Variants in CUX1 observed in about 807,000 individuals in gnomAD.
The protein encoded by CUX1 is cut like homeobox 1, also known as protein CASP.
In CUX1, 31 loss-of-function variants were observed where a neutral mutation model predicts 158.8. The ratio of observed to expected loss-of-function variants is 0.20; its 90% CI spans 0.15 to 0.26. The LOEUF (loss-of-function observed/expected upper bound fraction) is 0.26. CUX1 is among the 10% of genes least tolerant of loss of function. The pLI is 1.00. For synonymous variants in CUX1, 879 were observed against 862.1 expected, an observed-to-expected ratio of 1.02 and a Z score of -0.34; for missense variants, 1,589 against 2,014.6, an observed-to-expected ratio of 0.79 and a Z score of 4.04.
At chr7:101,897,963 C>A (rs538381857) in intron 1 of CUX1, among the ~76,000 whole-genome samples, 9 of 152,238 alleles carry the variant, frequency 5.9e-5, no homozygotes, top group Non-Finnish European at 1.0e-4. Flanking sequence ...AAACCACCCT[C>A]CTACCCCCAC....
In CUX1 at chr7:102,170,569, G is replaced by A. The variant is rs782346838; in HGVS notation, c.828+19G>A. On this transcript the variant is annotated intron_variant, in intron 10 of 23. Coordinates refer to ENST00000292535, the MANE Select transcript of CUX1 (RefSeq NM_181552.4). ...AGACGTGGTGGGTAGCCCCGGCCCCGTGGGGGACTGTCCCCGCCTGGCCTC... is the reference window on the plus strand; with the variant it reads ...AGACGTGGTGGGTAGCCCCGGCCCCATGGGGGACTGTCCCCGCCTGGCCTC... 3.2e-5 allele frequency: 49 copies of A among 1,537,814 alleles called. No homozygotes were observed. The highest frequency in any genetic ancestry group is 1.7e-4 in the Middle Eastern group (1 of 5,924).
At chr7:102,043,683 G>A (rs1027061170) in intron 3 of CUX1, among the ~76,000 whole-genome samples, 4 of 152,092 alleles carry the variant, frequency 2.6e-5, no homozygotes, top group African/African-American at 4.8e-5. Context: ...TAGTGCCGCA[G>A]TATACATGAG....
At chr7:102,055,746 C>T (rs1367677780) in intron 3 of CUX1, among the ~76,000 whole-genome samples, 2 of 152,100 alleles carry the variant, frequency 1.3e-5, no homozygotes, top group Non-Finnish European at 2.9e-5. Flanking sequence ...CACTTTAAGT[C>T]AAAAGCTAGA....
intron 4 of CUX1, among the ~76,000 whole-genome samples, chr7:102,076,471 G>C (rs1826743582): frequency 6.6e-6 from 1 of 152,082 alleles, no homozygotes; most frequent in Non-Finnish European, 1.5e-5. Flanking sequence ...ATGTACCTCT[G>C]AGTAGGTTTG....
At chr7:102,152,113 G>A (rs928479099) in intron 8 of CUX1, among the ~76,000 whole-genome samples, 1 of 152,192 alleles carries the variant, frequency 6.6e-6, no homozygotes, top group Admixed American at 6.5e-5. Context: ...GGGAGGCCAA[G>A]GCAGGATTGT....
At chr7:102,075,945 G>A (rs1022702346) in intron 4 of CUX1, among the ~76,000 whole-genome samples, 2 of 152,100 alleles carry the variant, frequency 1.3e-5, no homozygotes, top group African/African-American at 4.8e-5. Context: ...CAGACGTCCC[G>A]CCGGCGCCCC....
intron 4 of CUX1, among the ~76,000 whole-genome samples, chr7:102,083,774 T>C (rs1251046483): frequency 4.7e-5 from 7 of 147,398 alleles, no homozygotes; most frequent in African/African-American, 2.4e-5. Context: ...AGCAGTATTT[T>C]ACAGTTTTGA....
At chr7:101,908,873 A>G (rs1803071677) in intron 1 of CUX1, among the ~76,000 whole-genome samples, 1 of 152,194 alleles carries the variant, frequency 6.6e-6, no homozygotes, top group Admixed American at 6.5e-5. Context: ...ATGTCCAGAG[A>G]AAGGAAGTCA....
chr7:102,014,847 C>A (rs1191720796), intron 2 of CUX1, among the ~76,000 whole-genome samples: 1 of 138,040 alleles, frequency 7.2e-6, no homozygotes, highest in Admixed American at 7.2e-5. Context: ...TCTGTAGTAT[C>A]CCCCAACCAC....
At chr7:102,176,391 G>A (rs907248114) in intron 10 of CUX1, among the ~76,000 whole-genome samples, 1 of 152,062 alleles carries the variant, frequency 6.6e-6, no homozygotes, top group Non-Finnish European at 1.5e-5. Flanking sequence ...AGGGGGGACA[G>A]CGGCAAGGAC....
intron 16 of CUX1, among the ~76,000 whole-genome samples, chr7:102,199,806 G>A (rs375089489): frequency 3.3e-5 from 5 of 152,304 alleles, no homozygotes; most frequent in East Asian, 3.9e-4. Flanking sequence ...TTAAATGATC[G>A]GTTCTCCCGG....
intron 8 of CUX1, among the ~76,000 whole-genome samples, chr7:102,153,024 C>T (rs1201176042): frequency 4.6e-5 from 7 of 152,254 alleles, no homozygotes; most frequent in African/African-American, 1.2e-4. Context: ...TTGAAATTCA[C>T]TTCCAGGATT....
intron 2 of CUX1, among the ~76,000 whole-genome samples, chr7:101,941,728 C>A (rs1024104120): frequency 6.6e-6 from 1 of 152,190 alleles, no homozygotes; most frequent in Non-Finnish European, 1.5e-5. Context: ...GGAGCGAAGG[C>A]TTTATGATAT....
chr7:101,852,604 C>T (rs1490465900), intron 1 of CUX1, among the ~76,000 whole-genome samples: 1 of 150,420 alleles, frequency 6.6e-6, no homozygotes, highest in Non-Finnish European at 1.5e-5. Context: ...GGCGACAGAG[C>T]AAGAACCTGT....
chr7:101,987,125 C>T (rs1484931124), intron 2 of CUX1, among the ~76,000 whole-genome samples: 2 of 152,214 alleles, frequency 1.3e-5, no homozygotes, highest in Non-Finnish European at 2.9e-5. Flanking sequence ...TGGAATGAGG[C>T]ACCTGCATGG....
At chr7:101,823,078 C>A (rs556392951) in intron 1 of CUX1, among the ~76,000 whole-genome samples, 1 of 152,060 alleles carries the variant, frequency 6.6e-6, no homozygotes, top group African/African-American at 2.4e-5. Context: ...TTTAATCCAA[C>A]GGCATTTCCT....
intron 1 of CUX1, among the ~76,000 whole-genome samples, chr7:101,881,011 C>T (rs1197363561): frequency 6.6e-6 from 1 of 152,164 alleles, no homozygotes; most frequent in Non-Finnish European, 1.5e-5. Context: ...TTGGGGGAGC[C>T]CCCCGCAGTT....
At chr7:102,087,343 G>A (rs952277902) in intron 4 of CUX1, among the ~76,000 whole-genome samples, 14 of 152,142 alleles carry the variant, frequency 9.2e-5, no homozygotes, top group African/African-American at 2.9e-4. Flanking sequence ...CACTTTGGGA[G>A]GCCAAGGCAG....
Position 102,239,332 on chromosome 7 carries a change from G to A in CUX1, c.3635G>A (p.Arg1212Gln). 1 of 1,605,552 alleles carries A rather than the reference G, an allele frequency of 6.2e-7. No individual in the cohort carries two copies. Among genetic ancestry groups the A allele is most frequent in the Non-Finnish European group, 8.5e-7 (1 of 1,174,266 alleles). The change falls in exon 23 of 24, where the codon CGG becomes CAG. Residue 1212 changes from arginine (R) to glutamine (Q), a missense_variant. Arg to Gln is a conservative substitution (Grantham distance 43, BLOSUM62 1). This residue lies in a region of CUX1 where 259 missense variants were observed against 373.8 expected (regional missense o/e 0.69). Transcript: ENST00000292535. ...TCTTCCTCCGCAGCCTACATGAAGC[G>A]GCGGCACAGCTCAGTCAGTGACAGC... Reference protein sequence around the residue: ...KRMEKKAYMKRRHSSVSDSQP... With the variant: ...KRMEKKAYMKQRHSSVSDSQP...
Sources: gnomAD v4.1 joint callset for allele counts (sites outside exome capture counted in the v4.1 genomes callset) on GRCh38, gnomAD v4.1.1 for gene constraint, gnomAD v4.1.1 regional missense constraint, MANE v1.5 for transcripts, NCBI Gene and HGNC (gene_info 2026-07-23, HGNC 2026-07-21) for gene names.